Variants in CACNA1D observed in about 807,000 individuals in gnomAD.
The protein encoded by CACNA1D is voltage-dependent L-type calcium channel subunit alpha-1D.
Under a neutral mutation model 257.1 loss-of-function variants are expected in CACNA1D, and 55 were observed. That is an observed-to-expected ratio of 0.21 (90% CI 0.17 to 0.27). CACNA1D has a LOEUF of 0.27. CACNA1D is among the 10% of genes least tolerant of loss of function. CACNA1D has a pLI of 1.00. For missense variants in CACNA1D, 1,876 were observed against 2,784.0 expected (o/e 0.67, Z 7.34); for synonymous variants, 980 against 1,014.9 (o/e 0.97, Z 0.65).
chr3:53,703,688 G>A (rs1047233346), intron 9 of CACNA1D, among the ~76,000 whole-genome samples: 2 of 152,238 alleles, frequency 1.3e-5, no homozygotes, highest in Non-Finnish European at 2.9e-5. Flanking sequence ...GGGGACCCGA[G>A]GCCGGCCCTA....
intron 44 of CACNA1D, among the ~76,000 whole-genome samples, chr3:53,804,611 G>A (rs2095552829): frequency 6.6e-6 from 1 of 152,230 alleles, no homozygotes; most frequent in African/African-American, 2.4e-5. Context: ...CATTGAGGGT[G>A]GGGCTCATGC....
chr3:53,514,288 C>CTGAT (rs2091247253), intron 3 of CACNA1D, among the ~76,000 whole-genome samples: 1 of 151,670 alleles, frequency 6.6e-6, no homozygotes, highest in Non-Finnish European at 1.5e-5. Flanking sequence ...GGCTCACAGG[C>CTGAT]TGATGATGCC....
At chr3:53,564,311 C>T (rs557977270) in intron 3 of CACNA1D, among the ~76,000 whole-genome samples, 1 of 152,218 alleles carries the variant, frequency 6.6e-6, no homozygotes, top group East Asian at 1.9e-4. Flanking sequence ...CAGGTAGTTG[C>T]CACCATACCT....
intron 3 of CACNA1D, among the ~76,000 whole-genome samples, chr3:53,640,114 G>A (rs1437414163): frequency 6.6e-6 from 1 of 151,056 alleles, no homozygotes; most frequent in Non-Finnish European, 1.5e-5. Context: ...CACCTGCTTC[G>A]GCCTCCCAAA....
At chr3:53,572,366 G>GTTTATTTATTTA (rs1201457518) in intron 3 of CACNA1D, among the ~76,000 whole-genome samples, 1 of 60,052 alleles carries the variant, frequency 1.7e-5, no homozygotes, top group Admixed American at 1.7e-4. Flanking sequence ...TGGTTTGTTT[G>GTTTATTTATTTA]TTTGTTTGTT....
intron 15 of CACNA1D, 57 bp downstream of exon 15, chr3:53,727,056 C>A: frequency 6.2e-7 from 1 of 1,604,828 alleles, no homozygotes; most frequent in Non-Finnish European, 8.5e-7. Context: ...TTTTGTTTTT[C>A]TTCCTCTGCA....
intron 3 of CACNA1D, among the ~76,000 whole-genome samples, chr3:53,618,305 G>C (rs956055727): frequency 1.3e-5 from 2 of 152,194 alleles, no homozygotes; most frequent in Non-Finnish European, 2.9e-5. Context: ...GCATGTAGCT[G>C]TCCTCAGATG....
intron 3 of CACNA1D, among the ~76,000 whole-genome samples, chr3:53,612,228 A>G (rs772710201): frequency 4.6e-5 from 7 of 152,022 alleles, no homozygotes; most frequent in Non-Finnish European, 1.0e-4. Flanking sequence ...TATGGGTCCT[A>G]TTTTCCTTTT....
chr3:53,810,694 G>C, intron 47 of CACNA1D: 1 of 292,852 alleles, frequency 3.4e-6, no homozygotes, highest in Non-Finnish European at 6.5e-6. Context: ...GGAGGTGGAG[G>C]CTGCAGTGAG....
intron 34 of CACNA1D, among the ~76,000 whole-genome samples, chr3:53,775,403 C>G (rs1201032557): frequency 1.3e-5 from 2 of 152,134 alleles, no homozygotes; most frequent in Non-Finnish European, 2.9e-5. Flanking sequence ...ATGGCAAAAC[C>G]TTGACTCTAC....
chr3:53,541,422 A>G (rs916974350), intron 3 of CACNA1D, among the ~76,000 whole-genome samples: 11 of 152,344 alleles, frequency 7.2e-5, no homozygotes, highest in African/African-American at 2.6e-4. Context: ...TAATTTAGCC[A>G]AATAATAGTT....
intron 11 of CACNA1D, 53 bp from the exon 12 acceptor site, chr3:53,722,261 A>G (rs189185052): frequency 5.0e-6 from 8 of 1,597,050 alleles, no homozygotes; most frequent in East Asian, 2.2e-5. Context: ...TATTTATTGG[A>G]TACTCAGATG....
chr3:53,692,758 G>A (rs2108532976), intron 8 of CACNA1D, among the ~76,000 whole-genome samples: 1 of 152,318 alleles, frequency 6.6e-6, no homozygotes, highest in East Asian at 1.9e-4. Context: ...TTATGTCAAT[G>A]AAAGCATCAA....
chr3:53,775,642 A>G (rs527856460), intron 34 of CACNA1D, among the ~76,000 whole-genome samples: 3 of 151,704 alleles, frequency 2.0e-5, no homozygotes, highest in African/African-American at 4.9e-5. Context: ...ATTTATATGC[A>G]GACAGTTAGC....
At chr3:53,645,066 T>C (rs528495662) in intron 3 of CACNA1D, among the ~76,000 whole-genome samples, 2 of 152,246 alleles carry the variant, frequency 1.3e-5, no homozygotes, top group Non-Finnish European at 2.9e-5. Context: ...ATTTCCTTGA[T>C]GATTAGTGAT....
At chr3:53,528,084 C>T (rs1373216658) in intron 3 of CACNA1D, among the ~76,000 whole-genome samples, 1 of 152,128 alleles carries the variant, frequency 6.6e-6, no homozygotes, top group Non-Finnish European at 1.5e-5. Context: ...TTAATATTAC[C>T]TGGGTCCTAA....
intron 8 of CACNA1D, among the ~76,000 whole-genome samples, chr3:53,694,545 G>A (rs2094556860): frequency 6.6e-6 from 1 of 152,198 alleles, no homozygotes; most frequent in South Asian, 2.1e-4. Context: ...GGCATATGAT[G>A]TGGGCCAGCA....
chr3:53,512,394 G>A (rs906475848), intron 3 of CACNA1D, among the ~76,000 whole-genome samples: 3 of 152,188 alleles, frequency 2.0e-5, no homozygotes, highest in Non-Finnish European at 4.4e-5. Context: ...TTGGCCAAAT[G>A]AATCAGTTAA....
chr3:53,764,139 T>C (rs1472683979), intron 30 of CACNA1D, among the ~76,000 whole-genome samples: 2 of 152,210 alleles, frequency 1.3e-5, no homozygotes, highest in African/African-American at 4.8e-5. Flanking sequence ...AGCCCAGACA[T>C]GTAAATTCTA....
Sources: gnomAD v4.1 joint callset for allele counts (sites outside exome capture counted in the v4.1 genomes callset) on GRCh38, gnomAD v4.1.1 for gene constraint, MANE v1.5 for transcripts, NCBI Gene and HGNC (gene_info 2026-07-23, HGNC 2026-07-21) for gene names.